Variants in LUC7L2 observed in about 807,000 individuals in gnomAD.
LUC7L2 encodes the protein LUC7 like 2, pre-mRNA splicing factor.
LUC7L2 carries 25 observed loss-of-function variants against 52.8 expected under a neutral mutation model. The ratio of observed to expected loss-of-function variants is 0.47; its 90% confidence interval spans 0.34 to 0.66. The LOEUF (loss-of-function observed/expected upper bound fraction) is 0.66. Ranked by LOEUF, LUC7L2 falls within the 30% of genes least tolerant of loss-of-function variation. The pLI, the probability that LUC7L2 is intolerant of heterozygous loss-of-function variation, is 0.01. For missense variants in LUC7L2, 328 were observed against 497.8 expected (o/e 0.66, Z 3.25); for synonymous variants, 144 against 160.9 (o/e 0.89, Z 0.80).
intron 3 of LUC7L2, 81 bp from the exon 4 acceptor site, chr7:139,402,056 G>A (rs372601435): frequency 1.4e-6 from 2 of 1,411,346 alleles, no homozygotes; most frequent in East Asian, 2.7e-5. Flanking sequence ...ATTTTAAAAA[G>A]CAAAGTGTGA....
intron 6 of LUC7L2, among the ~76,000 whole-genome samples, chr7:139,408,212 G>C (rs1043833431): frequency 1.3e-5 from 2 of 152,162 alleles, no homozygotes; most frequent in Non-Finnish European, 2.9e-5. Flanking sequence ...TCAGTATTCT[G>C]AGTAGCTAGG....
chr7:139,417,416 G>A lies in LUC7L2; in HGVS notation c.810-122G>A. The A allele has an allele frequency of 1.3e-5, 16 of 1,245,628 alleles. No homozygotes were observed. The South Asian group carries it at 2.4e-4, about 18-fold the overall frequency. The allele number at this position is 1,245,628 out of a possible 1,614,324, so 77.2% of individuals were successfully genotyped here. A position where few individuals can be genotyped will look rare whatever the true frequency, so the allele number is the denominator to read the frequency against. ...CCAGCAATTCAGTGTAGATTTAGCTGACTTGGAATATAATTGACATTAAGA... is the reference window on the plus strand; with the variant it reads ...CCAGCAATTCAGTGTAGATTTAGCTAACTTGGAATATAATTGACATTAAGA... On this transcript the variant is annotated intron_variant, in intron 8 of 9. Coordinates refer to ENST00000354926, the MANE Select transcript of LUC7L2 (RefSeq NM_016019.5).
chr7:139,406,738 A>G (rs1203446841), intron 5 of LUC7L2, among the ~76,000 whole-genome samples: 1 of 152,130 alleles, frequency 6.6e-6, no homozygotes, highest in Non-Finnish European at 1.5e-5. Context: ...TTATTGATAT[A>G]AAGTTGTTCA....
upstream of LUC7L2, among the ~76,000 whole-genome samples, chr7:139,356,029 G>T (rs1469563869): frequency 1.3e-5 from 2 of 152,114 alleles, no homozygotes; most frequent in East Asian, 3.8e-4. Flanking sequence ...AATAACCACT[G>T]GGCGTGGTGG....
chr7:139,394,946 T>C (rs1368827668), intron 2 of LUC7L2, among the ~76,000 whole-genome samples: 1 of 152,224 alleles, frequency 6.6e-6, no homozygotes, highest in African/African-American at 2.4e-5. Context: ...GGGGGGCTTT[T>C]ACAATTCAGT....
intron 2 of LUC7L2, among the ~76,000 whole-genome samples, chr7:139,392,900 C>A (rs183905483): frequency 6.6e-6 from 1 of 151,954 alleles, no homozygotes; most frequent in Non-Finnish European, 1.5e-5. Context: ...GTGATCTGCC[C>A]GCCTCGGCCT....
chr7:139,376,127 T>A lies in LUC7L2; in HGVS notation c.127T>A (p.Cys43Ser). 6 of 1,613,928 alleles carry A rather than the reference T, an allele frequency of 3.7e-6. No individual in the cohort carries two copies. The highest frequency in any genetic ancestry group is 5.1e-6 in the Non-Finnish European group (6 of 1,179,930). The change falls in exon 2 of 10, where the codon TGT (cysteine) becomes AGT (serine). Residue 43 changes from cysteine (C) to serine (S), a missense_variant. Coordinates refer to ENST00000354926, the MANE Select transcript of LUC7L2 (RefSeq NM_016019.5). ...DRVCKSHLLNCCPHDVLSGTR... is the reference protein window; with the variant it reads ...DRVCKSHLLNSCPHDVLSGTR... ...AGTATGCAAGAGTCACCTTCTCAACTGTTGTCCTCATGATGTCCTTTCTGG... is the reference window on the plus strand; with the variant it reads ...AGTATGCAAGAGTCACCTTCTCAACAGTTGTCCTCATGATGTCCTTTCTGG...
rs558740863 is a variant in LUC7L2 at position 139,351,400 on chromosome 7, A to C, written c.-26+10883A>C. On this transcript the variant is annotated intron_variant, in intron 1 of 10. Coordinates refer to the LUC7L2 transcript ENST00000541170. Reference sequence around the variant, plus strand: ...TCATATCTTCAGTTAAACAATCACTAAATCAGATTTTACCTCCTAATAAGC... The same window carrying C: ...TCATATCTTCAGTTAAACAATCACTCAATCAGATTTTACCTCCTAATAAGC... 1.2e-3 allele frequency among the ~76,000 whole-genome samples: 178 copies of C among 152,346 alleles called. 1 individual carries two copies. The highest frequency in any genetic ancestry group is 4.0e-3 in the African/African-American group (167 of 41,572).
At chr7:139,398,481 C>T (rs1021160978) in intron 2 of LUC7L2, 118 bp from the exon 3 acceptor site, 25 of 681,314 alleles carry the variant, frequency 3.7e-5, no homozygotes, top group African/African-American at 3.5e-4. Context: ...ATTTGGAAGC[C>T]CCTACATAAA....
intron 1 of LUC7L2, among the ~76,000 whole-genome samples, chr7:139,350,267 G>C (rs1017938501): frequency 1.3e-5 from 2 of 151,830 alleles, no homozygotes; most frequent in African/African-American, 4.8e-5. Flanking sequence ...GACTACAGGC[G>C]CCCGCCACCA....
intron 8 of LUC7L2, among the ~76,000 whole-genome samples, chr7:139,415,573 CTTTTTTT>C (rs376954972): frequency 2.6e-5 from 3 of 116,200 alleles, no homozygotes; most frequent in African/African-American, 7.0e-5. Context: ...GGAAATAACG[CTTTTTTT>C]TTTTTTTTTT....
At chr7:139,416,045 AT>A in intron 8 of LUC7L2, 1 of 8,604 alleles carries the variant, frequency 1.2e-4, no homozygotes, top group Non-Finnish European at 2.0e-4. Flanking sequence ...TATAAAATAT[AT>A]ATATATATAT....
At chr7:139,347,604 A>AC (rs1799311435) in intron 1 of LUC7L2, among the ~76,000 whole-genome samples, 1 of 152,058 alleles carries the variant, frequency 6.6e-6, no homozygotes, top group Admixed American at 6.6e-5. Context: ...AAAAAAGGCC[A>AC]TTCAAAACAC....
chr7:139,418,894 T>A (rs9656515), intron 9 of LUC7L2, among the ~76,000 whole-genome samples: 1,653 of 151,998 alleles, frequency 0.011, 34 homozygotes, highest in African/African-American at 0.038. Context: ...GAGATGGGCG[T>A]ATCACTTGAG....
intron 7 of LUC7L2, among the ~76,000 whole-genome samples, chr7:139,412,241 A>C (rs961959928): frequency 1.3e-5 from 2 of 151,838 alleles, no homozygotes; most frequent in African/African-American, 4.8e-5. Context: ...ACAAAAACAA[A>C]AAACAGAAAA....
intron 1 of LUC7L2, among the ~76,000 whole-genome samples, chr7:139,365,879 G>T (rs1200346066): frequency 1.3e-5 from 2 of 152,196 alleles, no homozygotes; most frequent in Non-Finnish European, 2.9e-5. Context: ...TTCAAAACTT[G>T]CAGAAAAGCT....
chr7:139,388,123 C>CT (rs755087147), intron 2 of LUC7L2, among the ~76,000 whole-genome samples: 1 of 152,078 alleles, frequency 6.6e-6, no homozygotes, highest in Non-Finnish European at 1.5e-5. Context: ...ATAGCACCTG[C>CT]TTTCTGTACT....
chr7:139,403,036 C>T (rs574185982), intron 4 of LUC7L2, among the ~76,000 whole-genome samples: 4 of 152,236 alleles, frequency 2.6e-5, no homozygotes, highest in South Asian at 4.1e-4. Flanking sequence ...ATCCTGTGTA[C>T]GCTTTTGAGA....
At chr7:139,378,240 A>G (rs1007404352) in intron 2 of LUC7L2, among the ~76,000 whole-genome samples, 5 of 152,114 alleles carry the variant, frequency 3.3e-5, no homozygotes, top group Admixed American at 1.3e-4. Flanking sequence ...TCCATGTTTA[A>G]TATTGTATAA....
Sources: allele counts gnomAD v4.1 joint callset (sites outside exome capture counted in the v4.1 genomes callset), GRCh38; gene constraint gnomAD v4.1.1; transcripts MANE v1.5; gene names NCBI Gene and HGNC (gene_info 2026-07-23, HGNC 2026-07-21).